The following ZNF385D variants were observed in gnomAD, a reference collection of about 807,000 sequenced individuals.
ZNF385D encodes the protein zinc finger protein 659.
Under a neutral mutation model 35.8 loss-of-function variants are expected in ZNF385D, and 15 were observed. The ratio of observed to expected loss-of-function variants is 0.42; its 90% CI spans 0.28 to 0.64. The LOEUF is 0.64. ZNF385D is among the 30% of genes least tolerant of loss of function. The pLI, the probability that ZNF385D is intolerant of heterozygous loss-of-function variation, is 0.23. For missense variants in ZNF385D, 474 were observed against 494.6 expected, an observed-to-expected ratio of 0.96 and a Z score of 0.39; for synonymous variants, 212 against 186.8, an observed-to-expected ratio of 1.13 and a Z score of -1.10.
intron 4 of ZNF385D, among the ~76,000 whole-genome samples, chr3:21,480,496 C>T (rs1425299963): frequency 1.3e-5 from 2 of 152,056 alleles, no homozygotes; most frequent in Non-Finnish European, 2.9e-5. Flanking sequence ...GGTAAGGCCT[C>T]CTGTCACTCA....
chr3:22,298,574 C>CAT (rs1327141407), intron 2 of ZNF385D, among the ~76,000 whole-genome samples: 1 of 144,092 alleles, frequency 6.9e-6, no homozygotes, highest in Non-Finnish European at 1.5e-5. Context: ...CACACACACA[C>CAT]ATATATGTAT....
At chr3:21,786,734 T>G (rs1205043135) in intron 3 of ZNF385D, among the ~76,000 whole-genome samples, 1 of 152,198 alleles carries the variant, frequency 6.6e-6, no homozygotes, top group East Asian at 1.9e-4. Context: ...GTAATTTTTT[T>G]AGCATTATGC....
chr3:22,019,003 A>G (rs895437912), intron 3 of ZNF385D, among the ~76,000 whole-genome samples: 1 of 110,614 alleles, frequency 9.0e-6, no homozygotes, highest in Non-Finnish European at 1.8e-5. Context: ...CTTCTTTACC[A>G]CTTCCCAGTT....
At chr3:22,004,481 G>A (rs1032640455) in intron 3 of ZNF385D, among the ~76,000 whole-genome samples, 7 of 152,072 alleles carry the variant, frequency 4.6e-5, no homozygotes, top group Non-Finnish European at 8.8e-5. Flanking sequence ...AACAATCAAC[G>A]GAGTAAAGAG....
At chr3:22,132,718 A>AT (rs1278121181) in intron 3 of ZNF385D, among the ~76,000 whole-genome samples, 2 of 152,254 alleles carry the variant, frequency 1.3e-5, no homozygotes, top group East Asian at 3.9e-4. Flanking sequence ...GATCTAGTGC[A>AT]TAAGAGATAG....
intron 3 of ZNF385D, among the ~76,000 whole-genome samples, chr3:21,806,640 G>A (rs972360647): frequency 6.6e-6 from 1 of 151,998 alleles, no homozygotes; most frequent in Non-Finnish European, 1.5e-5. Flanking sequence ...TAATTTTTTG[G>A]GAGATTTTGT....
At chr3:22,082,578 C>T (rs1365576921) in intron 3 of ZNF385D, among the ~76,000 whole-genome samples, 1 of 152,200 alleles carries the variant, frequency 6.6e-6, no homozygotes, top group African/African-American at 2.4e-5. Flanking sequence ...CCCACCACAA[C>T]TCAAGGAGGC....
chr3:21,760,683 T>C (rs748901866), intron 3 of ZNF385D, among the ~76,000 whole-genome samples: 26 of 152,222 alleles, frequency 1.7e-4, no homozygotes, highest in Non-Finnish European at 3.2e-4. Flanking sequence ...TAGTGCACTA[T>C]CAAGAGCAGT....
At chr3:21,838,558 A>G (rs1341998883) in intron 3 of ZNF385D, among the ~76,000 whole-genome samples, 3 of 152,094 alleles carry the variant, frequency 2.0e-5, no homozygotes, top group Non-Finnish European at 4.4e-5. Flanking sequence ...CAGCCACTAA[A>G]AAACAATAGC....
intron 3 of ZNF385D, chr3:21,563,327 T>A (rs1464895468): frequency 6.6e-6 from 1 of 152,378 alleles, no homozygotes; most frequent in Non-Finnish European, 1.5e-5. Flanking sequence ...GAGAAATAAA[T>A]TTCTGTTGTT....
intron 3 of ZNF385D, among the ~76,000 whole-genome samples, chr3:22,163,881 T>A (rs1706131190): frequency 6.7e-6 from 1 of 149,742 alleles, no homozygotes; most frequent in African/African-American, 2.5e-5. Context: ...CATATCTTTT[T>A]CTAAATAACC....
chr3:22,047,434 T>C (rs1032865009), intron 3 of ZNF385D, among the ~76,000 whole-genome samples: 6 of 152,134 alleles, frequency 3.9e-5, no homozygotes, highest in Admixed American at 2.6e-4. Flanking sequence ...GTAACCACTA[T>C]TGTACTTTCT....
At chr3:21,803,711 G>A (rs1311857052) in intron 3 of ZNF385D, among the ~76,000 whole-genome samples, 1 of 152,102 alleles carries the variant, frequency 6.6e-6, no homozygotes, top group Non-Finnish European at 1.5e-5. Flanking sequence ...ATTTTTCTCA[G>A]TCTTCATCAT....
chr3:21,969,373 T>C (rs148449190), intron 3 of ZNF385D, among the ~76,000 whole-genome samples: 5 of 152,110 alleles, frequency 3.3e-5, no homozygotes, highest in Non-Finnish European at 7.3e-5. Context: ...CAAGATCTGA[T>C]GGTTTTATAA....
At chr3:21,631,728 T>C (rs2065285975) in intron 2 of ZNF385D, among the ~76,000 whole-genome samples, 1 of 152,138 alleles carries the variant, frequency 6.6e-6, no homozygotes, top group South Asian at 2.1e-4. Context: ...CTTTCTTTTT[T>C]AAACTAAGTC....
At chr3:22,363,732 C>A (rs555490936) in intron 2 of ZNF385D, among the ~76,000 whole-genome samples, 45 of 152,100 alleles carry the variant, frequency 3.0e-4, no homozygotes, top group Non-Finnish European at 5.7e-4. Flanking sequence ...TTGAGTACTT[C>A]TTTACTTATC....
At chr3:21,874,761 A>G (rs1053484118) in intron 3 of ZNF385D, among the ~76,000 whole-genome samples, 1 of 151,908 alleles carries the variant, frequency 6.6e-6, no homozygotes, top group African/African-American at 2.4e-5. Context: ...TTGATTTTCT[A>G]TTTCCGTAAA....
intron 2 of ZNF385D, among the ~76,000 whole-genome samples, chr3:21,574,970 A>G (rs1559422156): frequency 6.6e-6 from 1 of 152,156 alleles, no homozygotes; most frequent in Non-Finnish European, 1.5e-5. Context: ...AAAGAGGACT[A>G]TAGCTAAATA....
chr3:22,327,267 A>C (rs2125454426), intron 2 of ZNF385D, among the ~76,000 whole-genome samples: 1 of 152,308 alleles, frequency 6.6e-6, no homozygotes, highest in East Asian at 1.9e-4. Context: ...TGTAAATAAA[A>C]CTTTACCTCC....
Sources: gnomAD v4.1 joint callset for allele counts (sites outside exome capture counted in the v4.1 genomes callset) on GRCh38, gnomAD v4.1.1 for gene constraint, MANE v1.5 for transcripts, NCBI Gene and HGNC (gene_info 2026-07-23, HGNC 2026-07-21) for gene names.